PCDHGB2: variants seen among roughly 807,000 people sequenced by gnomAD.
PCDHGB2 encodes protocadherin gamma-B2.
In PCDHGB2, 55 loss-of-function variants were observed where a neutral mutation model predicts 59.3. The ratio of observed to expected loss-of-function variants is 0.93; its 90% CI spans 0.75 to 1.16. PCDHGB2 has a LOEUF of 1.16. Among genes scored for constraint, PCDHGB2 ranks in the 50% most tolerant of loss-of-function variants. PCDHGB2 has a pLI of 0.00. For synonymous variants in PCDHGB2, 516 were observed against 512.0 expected (o/e 1.01, Z -0.11); for missense variants, 1,228 against 1,198.5 (o/e 1.02, Z -0.36).
chr5:141,412,219 C>T (rs549742411), intron 1 of PCDHGB2: 1 of 152,334 alleles, frequency 6.6e-6, no homozygotes, highest in African/African-American at 2.4e-5. Context: ...TAAACACTTA[C>T]TTGTTAAAAA....
intron 1 of PCDHGB2, chr5:141,395,894 C>G (rs768471284): frequency 1.3e-5 from 2 of 152,020 alleles, no homozygotes; most frequent in Non-Finnish European, 2.9e-5. Flanking sequence ...CACCTGGGCT[C>G]CATGCCCATG....
chr5:141,374,478 G>A (rs781173070), intron 1 of PCDHGB2: 6 of 1,611,820 alleles, frequency 3.7e-6, no homozygotes, highest in Non-Finnish European at 5.1e-6. Context: ...AATACACCCC[G>A]ATTCTTAAAG....
At chr5:141,366,898 G>A in intron 1 of PCDHGB2, 4 of 1,204,000 alleles carry the variant, frequency 3.3e-6, no homozygotes, top group Non-Finnish European at 3.4e-6. Flanking sequence ...TATAATTCAT[G>A]CTTTCTCCAT....
chr5:141,474,488 A>C (rs2099350464), intron 1 of PCDHGB2, among the ~76,000 whole-genome samples: 1 of 152,208 alleles, frequency 6.6e-6, no homozygotes. Flanking sequence ...AATGTATTCT[A>C]TCTTCTAATG....
At chr5:141,393,592 G>T (rs200863279) in intron 1 of PCDHGB2, 1 of 1,613,908 alleles carries the variant, frequency 6.2e-7, no homozygotes, top group South Asian at 1.1e-5. Flanking sequence ...CCAGGCACGC[G>T]GCTGCTTACT....
At chr5:141,449,106 T>A (rs2154562506) in intron 1 of PCDHGB2, among the ~76,000 whole-genome samples, 2 of 152,314 alleles carry the variant, frequency 1.3e-5, no homozygotes, top group East Asian at 3.9e-4. Context: ...ATGCAGTATA[T>A]CTTTGGGATG....
At chr5:141,390,307 A>G (rs2092112369) in intron 1 of PCDHGB2, 1 of 1,613,424 alleles carries the variant, frequency 6.2e-7, no homozygotes, top group Admixed American at 1.7e-5. Flanking sequence ...GTATAATTTA[A>G]TGCTCATTGC....
chr5:141,421,864 C>T (rs1561797174), intron 1 of PCDHGB2: 2 of 1,613,766 alleles, frequency 1.2e-6, no homozygotes, highest in Non-Finnish European at 1.7e-6. Context: ...CCTGCTCCTC[C>T]TCACAGCTTT....
Position 141,431,500 on chromosome 5 carries a change from C to T in PCDHGB2, c.2422-63307C>T, listed in dbSNP as rs903027252. On this transcript the variant is annotated intron_variant, in intron 1 of 3. Transcript: ENST00000522605. This position sits in a 1 kb window ranked among gnomAD's most constrained non-coding sequence, Gnocchi z 4.8. ...CACCAGCGTTTGCTCAGCCCGAGTACCGCGCGAGCGTTCCGGAGAATCTGG... is the reference window on the plus strand; with the variant it reads ...CACCAGCGTTTGCTCAGCCCGAGTATCGCGCGAGCGTTCCGGAGAATCTGG... The T allele has an allele frequency of 4.4e-5, 71 of 1,613,894 alleles. No individual in the cohort carries two copies. The highest frequency in any genetic ancestry group is 5.9e-5 in the Non-Finnish European group (70 of 1,180,050).
chr5:141,396,042 A>G (rs2093337325), intron 1 of PCDHGB2: 2 of 152,260 alleles, frequency 1.3e-5, no homozygotes, highest in Non-Finnish European at 2.9e-5. Context: ...ACATATTTCA[A>G]TACAATTCCA....
intron 1 of PCDHGB2, chr5:141,395,364 AT>A: frequency 1.6e-6 from 2 of 1,264,440 alleles, no homozygotes; most frequent in Non-Finnish European, 2.1e-6. Context: ...TTTTGGGTTT[AT>A]TTTGGTGGTG....
At chr5:141,396,661 A>T (rs2093417070) in intron 1 of PCDHGB2, 1 of 152,162 alleles carries the variant, frequency 6.6e-6, no homozygotes, top group Admixed American at 6.5e-5. Flanking sequence ...AACTCGGTAT[A>T]GGCTATCCAT....
chr5:141,376,506 A>C (rs773992139), intron 1 of PCDHGB2: 1 of 1,614,126 alleles, frequency 6.2e-7, no homozygotes, highest in African/African-American at 1.3e-5. Flanking sequence ...AGGCAACTTC[A>C]GGTGAGTTTC....
chr5:141,389,487 C>T (rs997165354), intron 1 of PCDHGB2: 2 of 1,612,906 alleles, frequency 1.2e-6, no homozygotes, highest in African/African-American at 1.3e-5. Context: ...GGCCCGCGAC[C>T]AGGGCTCGCC....
At chr5:141,385,097 C>G in intron 1 of PCDHGB2, 1 of 1,614,192 alleles carries the variant, frequency 6.2e-7, no homozygotes, top group Non-Finnish European at 8.5e-7. Context: ...GGTGGCTTGG[C>G]GAACGTGCCC....
intron 1 of PCDHGB2, chr5:141,372,467 C>T: frequency 6.2e-7 from 1 of 1,614,050 alleles, no homozygotes; most frequent in Non-Finnish European, 8.5e-7. Flanking sequence ...TACAGTTTCA[C>T]CTAGTAGTGG....
At chr5:141,371,887 C>T (rs372336757) in intron 1 of PCDHGB2, 2 of 1,613,424 alleles carry the variant, frequency 1.2e-6, no homozygotes, top group African/African-American at 1.3e-5. Flanking sequence ...GACCTGGAGC[C>T]GCGGGAGCTG....
intron 1 of PCDHGB2, chr5:141,388,456 A>G: frequency 5.0e-6 from 8 of 1,613,810 alleles, no homozygotes; most frequent in Non-Finnish European, 5.9e-6. Flanking sequence ...GGCAGTAAAT[A>G]CCCTGAGATG....
Position 141,431,240 on chromosome 5 carries a change from G to A in PCDHGB2, c.2422-63567G>A, listed in dbSNP as rs1402814836. 6 of 1,614,044 alleles carry A rather than the reference G, an allele frequency of 3.7e-6. No individual in the cohort carries two copies. Among genetic ancestry groups the A allele is most frequent in the Non-Finnish European group, 5.1e-6 (6 of 1,180,056 alleles). On this transcript the variant is annotated intron_variant, in intron 1 of 3. Coordinates refer to ENST00000522605, the MANE Select transcript of PCDHGB2 (RefSeq NM_018923.3). The surrounding 1 kb of genome is among the most constrained non-coding windows in gnomAD (Gnocchi z 4.8). Reference sequence around the variant, plus strand: ...CCCTCTACCCCACGCCTGGGATCCGGATATCGGGAAGAACTCTCTGCAGAG... The same window carrying A: ...CCCTCTACCCCACGCCTGGGATCCGAATATCGGGAAGAACTCTCTGCAGAG...
Sources: allele counts gnomAD v4.1 joint callset (sites outside exome capture counted in the v4.1 genomes callset), GRCh38; gene constraint gnomAD v4.1.1; non-coding constraint Gnocchi (gnomAD v3.1); transcripts MANE v1.5; gene names NCBI Gene and HGNC (gene_info 2026-07-23, HGNC 2026-07-21).